Variants in BZW2 observed in about 807,000 individuals in gnomAD.
BZW2 encodes basic leucine zipper and W2 domains 2.
In BZW2, 23 loss-of-function variants were observed where a neutral mutation model predicts 53.2. That is an observed-to-expected ratio of 0.43 (90% CI 0.31 to 0.61). BZW2 has a LOEUF of 0.61. Ranked by LOEUF, BZW2 falls within the 20% of genes least tolerant of loss-of-function variation. The pLI, the probability that BZW2 is intolerant of heterozygous loss-of-function variation, is 0.09. For missense variants in BZW2, 409 were observed against 503.1 expected, an observed-to-expected ratio of 0.81 and a Z score of 1.79; for synonymous variants, 227 against 186.4, an observed-to-expected ratio of 1.22 and a Z score of -1.77.
intron 1 of BZW2, among the ~76,000 whole-genome samples, chr7:16,648,162 G>T (rs1009259437): frequency 6.6e-6 from 1 of 152,060 alleles, no homozygotes; most frequent in Non-Finnish European, 1.5e-5. Flanking sequence ...AGTTTTGTAT[G>T]GTGTAAATAT....
chr7:16,651,903 C>G (rs764149253), intron 1 of BZW2, among the ~76,000 whole-genome samples: 1 of 152,128 alleles, frequency 6.6e-6, no homozygotes, highest in Non-Finnish European at 1.5e-5. Context: ...CCATCTTATT[C>G]CAAACTATAA....
intron 1 of BZW2, among the ~76,000 whole-genome samples, chr7:16,650,149 A>T: frequency 6.6e-6 from 1 of 152,380 alleles, no homozygotes; most frequent in Middle Eastern, 3.4e-3. Flanking sequence ...TGTCTTGTGA[A>T]CAATGCGTTT....
intron 8 of BZW2, 29 bp from the exon 9 acceptor site, chr7:16,696,886 C>CT (rs1783511113): frequency 6.2e-7 from 1 of 1,613,054 alleles, no homozygotes; most frequent in Middle Eastern, 1.6e-4. Flanking sequence ...CTGCCTGTTA[C>CT]TTTCTGACCC....
At chr7:16,694,101 A>T (rs1458556715) in intron 7 of BZW2, among the ~76,000 whole-genome samples, 2 of 152,234 alleles carry the variant, frequency 1.3e-5, no homozygotes, top group Non-Finnish European at 1.5e-5. Flanking sequence ...ACCCAGGATT[A>T]GATCATGACT....
intron 2 of BZW2, among the ~76,000 whole-genome samples, chr7:16,668,235 C>T (rs1321452799): frequency 6.6e-6 from 1 of 152,102 alleles, no homozygotes; most frequent in African/African-American, 2.4e-5. Flanking sequence ...GAATGTGTTG[C>T]ACAACAGCAG....
rs1209430562 is a variant in BZW2, at chr7:16,681,315, C to T, written c.250C>T (p.Arg84Cys). 2.5e-6 allele frequency: 4 copies of T among 1,613,688 alleles called. No individual in the cohort carries two copies. Among genetic ancestry groups the T allele is most frequent in the African/African-American group, 2.7e-5 (2 of 74,890 alleles). Residue 84 changes from arginine to cysteine, a missense_variant, in exon 4 of 12, where the codon CGC becomes TGC. By Grantham distance (180) the Arg-to-Cys change is radical (BLOSUM62 -3). Around this residue, in one of 3 missense-constraint regions of BZW2, gnomAD observed 316 missense variants for 366.8 expected, o/e 0.86. Transcript: ENST00000258761. ...AGSMLAPGGT[R>C]IDDGDKTKMT... ...TCTCTTTTTAGCCCCTGGAGGAACG[C>T]GCATAGATGATGGTGACAAGACCAA...
At chr7:16,696,786 C>A in intron 8 of BZW2, 129 bp from the exon 9 acceptor site, 1 of 904,060 alleles carries the variant, frequency 1.1e-6, no homozygotes. Flanking sequence ...AGAATGCAGA[C>A]AAGGAAAGGA....
chr7:16,704,529 T>C lies in BZW2; in HGVS notation c.1109-18T>C. ...ACATTTGTATAGTAACTTTGAAATC[T>C]TTGATTTAAAATTGCAGCTGATGTT... On this transcript the variant is annotated intron_variant, in intron 10 of 11. Coordinates refer to ENST00000258761, the MANE Select transcript of BZW2 (RefSeq NM_014038.3). 1 of 1,509,968 alleles carries C rather than the reference T, an allele frequency of 6.6e-7. No individual in the cohort carries two copies. Among genetic ancestry groups the C allele is most frequent in the Non-Finnish European group, 9.0e-7 (1 of 1,109,706 alleles). 93.5% of individuals were successfully genotyped at this position (1,509,968 alleles called of 1,614,324 possible). A position where few individuals can be genotyped will look rare whatever the true frequency, so the allele number is the denominator to read the frequency against.
intron 1 of BZW2, among the ~76,000 whole-genome samples, chr7:16,648,239 A>G (rs958173731): frequency 6.6e-6 from 1 of 152,240 alleles, no homozygotes; most frequent in South Asian, 2.1e-4. Flanking sequence ...AGTTTTATTG[A>G]TAATAAGATA....
At chr7:16,672,672 C>T (rs1375996446) in intron 2 of BZW2, among the ~76,000 whole-genome samples, 7 of 152,158 alleles carry the variant, frequency 4.6e-5, no homozygotes, top group African/African-American at 1.7e-4. Context: ...AGACCCTTTA[C>T]CTTTAATCCA....
chr7:16,655,852 T>C (rs1782107647), intron 1 of BZW2, among the ~76,000 whole-genome samples: 1 of 152,156 alleles, frequency 6.6e-6, no homozygotes, highest in Non-Finnish European at 1.5e-5. Context: ...TGTTTGCCAT[T>C]GCTCCAGGGT....
chr7:16,673,225 C>T (rs953519347), intron 2 of BZW2, among the ~76,000 whole-genome samples: 15 of 152,228 alleles, frequency 9.9e-5, no homozygotes, highest in South Asian at 8.3e-4. Flanking sequence ...GGATTACAGG[C>T]GTGAGCCACC....
intron 1 of BZW2, among the ~76,000 whole-genome samples, chr7:16,654,502 G>T (rs1268661175): frequency 2.6e-5 from 3 of 114,540 alleles, no homozygotes; most frequent in African/African-American, 7.6e-5. Flanking sequence ...ATTTTTTTCT[G>T]TATATAACCC....
At chr7:16,703,074 G>C (rs1783719059) in intron 10 of BZW2, among the ~76,000 whole-genome samples, 2 of 152,068 alleles carry the variant, frequency 1.3e-5, no homozygotes, top group African/African-American at 4.8e-5. Flanking sequence ...ACTTCCTCGG[G>C]ACACAACTGC....
At chr7:16,685,421 T>TTG (rs954139550) in intron 5 of BZW2, among the ~76,000 whole-genome samples, 1 of 152,116 alleles carries the variant, frequency 6.6e-6, no homozygotes, top group African/African-American at 2.4e-5. Context: ...TGTTTTTTTT[T>TTG]TTTGTTTGTG....
chr7:16,692,657 G>A (rs1484447588), intron 7 of BZW2, among the ~76,000 whole-genome samples: 1 of 152,066 alleles, frequency 6.6e-6, no homozygotes, highest in Non-Finnish European at 1.5e-5. Flanking sequence ...TCAGTTACTC[G>A]GGAGGCTGAG....
intron 10 of BZW2, among the ~76,000 whole-genome samples, chr7:16,699,956 A>T (rs547910091): frequency 6.6e-5 from 10 of 152,330 alleles, no homozygotes; most frequent in Admixed American, 6.5e-4. Context: ...AAGAAGAGGC[A>T]TGAGCTCTTA....
In BZW2 at chr7:16,651,320, G is replaced by C. The variant is rs189950059; in HGVS notation, c.-8+5032G>C. Among the ~76,000 whole-genome samples the C allele has an allele frequency of 1.0e-3, 155 of 152,314 alleles. 1 individual carries two copies. The highest frequency in any genetic ancestry group is 3.5e-3 in the African/African-American group (146 of 41,582). ...AAATCTCAAGAAAAGCCCTGGGGCA[G>C]AGATGAATAATAAGGGATAATAACG... is the stretch of plus-strand genomic sequence containing the variant. On this transcript the variant is annotated intron_variant, in intron 1 of 11. Transcript: ENST00000258761.
intron 2 of BZW2, among the ~76,000 whole-genome samples, chr7:16,668,398 T>C (rs1016438743): frequency 6.6e-6 from 1 of 152,190 alleles, no homozygotes; most frequent in Admixed American, 6.5e-5. Flanking sequence ...AAATATATAT[T>C]ATTTGCCAGT....
Sources: gnomAD v4.1 joint callset for allele counts (sites outside exome capture counted in the v4.1 genomes callset) on GRCh38, gnomAD v4.1.1 for gene constraint, gnomAD v4.1.1 regional missense constraint, MANE v1.5 for transcripts, NCBI Gene and HGNC (gene_info 2026-07-23, HGNC 2026-07-21) for gene names.